Variants in RBFOX1 observed in about 807,000 individuals in gnomAD.
RBFOX1 encodes the protein RNA binding fox-1 homolog 1.
A neutral mutation model predicts 57.7 loss-of-function variants in RBFOX1; 8 were observed. That is an observed-to-expected ratio of 0.14 (90% CI 0.08 to 0.25). The LOEUF is 0.25. Ranked by LOEUF, RBFOX1 falls within the 10% of genes least tolerant of loss-of-function variation. The pLI is 1.00. For synonymous variants in RBFOX1, 326 were observed against 222.4 expected (o/e 1.47, Z -4.15); for missense variants, 611 against 548.5 (o/e 1.11, Z -1.14).
chr16:5,962,097 G>C (rs1010681700), intron 4 of RBFOX1, among the ~76,000 whole-genome samples: 5 of 152,070 alleles, frequency 3.3e-5, no homozygotes, highest in African/African-American at 1.2e-4. Flanking sequence ...TGTTCCAGGT[G>C]GTATGATGAA....
intron 1 of RBFOX1, among the ~76,000 whole-genome samples, chr16:6,227,493 A>G (rs2152895139): frequency 6.6e-6 from 1 of 152,200 alleles, no homozygotes; most frequent in Non-Finnish European, 1.5e-5. Context: ...TGCATTTGGG[A>G]GTGGCCGTGG....
chr16:5,782,796 G>A (rs1177795971), intron 3 of RBFOX1, among the ~76,000 whole-genome samples: 1 of 152,204 alleles, frequency 6.6e-6, no homozygotes, highest in Non-Finnish European at 1.5e-5. Context: ...TAAGTCAAAA[G>A]ACCCAAACCA....
intron 3 of RBFOX1, among the ~76,000 whole-genome samples, chr16:5,768,969 G>C (rs1039596178): frequency 6.6e-6 from 1 of 152,044 alleles, no homozygotes; most frequent in South Asian, 2.1e-4. Flanking sequence ...CAGTGGGATA[G>C]AGAAGAAGTC....
intron 3 of RBFOX1, among the ~76,000 whole-genome samples, chr16:6,783,479 T>C (rs1386553811): frequency 2.0e-5 from 3 of 151,390 alleles, no homozygotes; most frequent in African/African-American, 4.8e-5. Context: ...TTATTTTAAA[T>C]TGATTAAAGC....
At chr16:5,908,119 T>TATATACACACAC (rs2058510672) in intron 4 of RBFOX1, among the ~76,000 whole-genome samples, 1 of 137,620 alleles carries the variant, frequency 7.3e-6, no homozygotes, top group African/African-American at 3.2e-5. Flanking sequence ...TACACATATA[T>TATATACACACAC]ACACATATAT....
chr16:7,056,315 A>G (rs143691096), intron 4 of RBFOX1, among the ~76,000 whole-genome samples: 1 of 152,266 alleles, frequency 6.6e-6, no homozygotes, highest in African/African-American at 2.4e-5. Context: ...CCTCCGTCCC[A>G]AGGTTTGTCA....
At chr16:6,696,175 A>G (rs1259607880) in intron 3 of RBFOX1, among the ~76,000 whole-genome samples, 6 of 152,342 alleles carry the variant, frequency 3.9e-5, no homozygotes, top group Non-Finnish European at 5.9e-5. Context: ...ATTTCATAAA[A>G]GGAATAATAC....
chr16:7,007,011 G>T (rs2093344248), intron 3 of RBFOX1, among the ~76,000 whole-genome samples: 2 of 152,132 alleles, frequency 1.3e-5, no homozygotes. Flanking sequence ...AAATACATAT[G>T]ATCTCACGGT....
At position 7,668,307 on chromosome 16, in the gene RBFOX1, C is replaced by G. The variant is rs28521384; in HGVS notation, c.930+3339C>G. 9.1e-4 allele frequency among the ~76,000 whole-genome samples: 138 copies of G among 152,318 alleles called. 2 individuals carry two copies. Among genetic ancestry groups the G allele is most frequent in the African/African-American group, 3.2e-3 (131 of 41,564 alleles). ...CCCTGTAACTGGCAAGCCACAACCT[C>G]TTCTCTCAAATGACCTCCTTCTGAA... On this transcript the variant is annotated intron_variant, in intron 13 of 15. Transcript: ENST00000550418.
chr16:6,747,333 G>A (rs1237005866), intron 3 of RBFOX1, among the ~76,000 whole-genome samples: 1 of 152,040 alleles, frequency 6.6e-6, no homozygotes, highest in Admixed American at 6.5e-5. Flanking sequence ...CTTGAACCTA[G>A]GAGGTAGAGA....
chr16:5,453,280 A>G (rs2068483577), intron 1 of RBFOX1, among the ~76,000 whole-genome samples: 4 of 152,212 alleles, frequency 2.6e-5, no homozygotes, highest in Admixed American at 2.6e-4. Flanking sequence ...GTTAATATAC[A>G]GACAACCAAT....
chr16:6,427,789 A>T (rs1356314532), intron 2 of RBFOX1, among the ~76,000 whole-genome samples: 1 of 152,214 alleles, frequency 6.6e-6, no homozygotes, highest in Non-Finnish European at 1.5e-5. Context: ...ATAAAGAGAT[A>T]GTGATTTCAG....
At chr16:7,405,054 G>A (rs1597590004) in intron 4 of RBFOX1, among the ~76,000 whole-genome samples, 1 of 152,236 alleles carries the variant, frequency 6.6e-6, no homozygotes, top group South Asian at 2.1e-4. Flanking sequence ...ATAAGGGTGT[G>A]TTTTCAAAGC....
rs538017916 is a variant in RBFOX1 at position 6,666,498 on chromosome 16, C to G, written c.-16+11848C>G. Among the ~76,000 whole-genome samples, 55 of 150,318 alleles carry G rather than the reference C, an allele frequency of 3.7e-4. No homozygotes were observed. In the South Asian group the frequency reaches 0.01, roughly 28 times the overall value. On this transcript the variant is annotated intron_variant, in intron 3 of 15. Coordinates refer to ENST00000550418, the MANE Select transcript of RBFOX1 (RefSeq NM_018723.4). ...GAGGTTACAGTCAGCTGAGATCACA[C>G]CACTGCACTCCAGCCTGGGTGACAG... is the stretch of plus-strand genomic sequence containing the variant.
At position 7,305,481 on chromosome 16, in the gene RBFOX1, A is replaced by G. The variant is rs575991312; in HGVS notation, c.28-212666A>G. On this transcript the variant is annotated intron_variant, in intron 4 of 15. Transcript: ENST00000550418. ...TTCTCCCTCCCAGGATCTCCATCCT[A>G]TTCTATGAAGGTTTACAGTGATTAT... 7.2e-5 allele frequency among the ~76,000 whole-genome samples: 11 copies of G among 152,236 alleles called. No individual in the cohort carries two copies. The South Asian group carries it at 1.7e-3, about 23-fold the overall frequency.
intron 3 of RBFOX1, among the ~76,000 whole-genome samples, chr16:6,721,211 G>A (rs1184301774): frequency 6.6e-6 from 1 of 152,204 alleles, no homozygotes; most frequent in Non-Finnish European, 1.5e-5. Context: ...GGAAGGCCAA[G>A]GCAGGTGGAT....
chr16:6,582,057 C>A (rs2097543893), intron 2 of RBFOX1, among the ~76,000 whole-genome samples: 1 of 152,118 alleles, frequency 6.6e-6, no homozygotes, highest in Non-Finnish European at 1.5e-5. Context: ...TCTAACAAGG[C>A]AAAGACCAGC....
At chr16:6,399,245 T>A (rs1439235486) in intron 2 of RBFOX1, among the ~76,000 whole-genome samples, 3 of 152,230 alleles carry the variant, frequency 2.0e-5, no homozygotes, top group African/African-American at 7.2e-5. Context: ...TTTTCCCTCC[T>A]AGGCCTCTGG....
intron 2 of RBFOX1, among the ~76,000 whole-genome samples, chr16:5,469,672 C>G (rs150388705): frequency 1.3e-4 from 20 of 152,136 alleles, no homozygotes; most frequent in Middle Eastern, 3.2e-3. Flanking sequence ...CCCCCTTCCT[C>G]CATCCCCAGC....
Sources: allele counts gnomAD v4.1 joint callset (sites outside exome capture counted in the v4.1 genomes callset), GRCh38; gene constraint gnomAD v4.1.1; transcripts MANE v1.5; gene names NCBI Gene and HGNC (gene_info 2026-07-23, HGNC 2026-07-21).